The following CA5B variants were observed in gnomAD, a reference collection of about 807,000 sequenced individuals.
CA5B encodes the protein carbonic anhydrase 5B, mitochondrial.
Under a neutral mutation model 23.1 loss-of-function variants are expected in CA5B, and 15 were observed. The observed-to-expected ratio is 0.65, with a 90% CI of 0.43 to 1.00. The LOEUF (loss-of-function observed/expected upper bound fraction) is 1.00. Ranked by LOEUF, CA5B falls within the 50% of genes least tolerant of loss-of-function variation. The probability of loss-of-function intolerance (pLI) is 0.00; values close to 1 mark genes in which losing one functional copy is unlikely to be tolerated. For missense variants in CA5B, 236 were observed against 252.2 expected, an observed-to-expected ratio of 0.94 and a Z score of 0.43; for synonymous variants, 84 against 98.5, an observed-to-expected ratio of 0.85 and a Z score of 0.87.
chrX:15,757,475 C>G (rs773549907), intron 2 of CA5B, among the ~76,000 whole-genome samples: 123 of 111,317 alleles, frequency 1.1e-3, no homozygotes, highest in African/African-American at 3.4e-3. Context: ...GAGATCACGC[C>G]ACTGCACTCC....
At chrX:15,780,395 C>T (rs1036840299) in intron 7 of CA5B, among the ~76,000 whole-genome samples, 4 of 109,937 alleles carry the variant, frequency 3.6e-5, no homozygotes, top group Non-Finnish European at 5.7e-5. Context: ...GTCTCAGCCT[C>T]CCAAGTAGCT....
intron 2 of CA5B, among the ~76,000 whole-genome samples, chrX:15,761,724 G>A (rs762805852): frequency 9.0e-6 from 1 of 110,701 alleles, no homozygotes; most frequent in Admixed American, 9.6e-5. Context: ...GTCTTGTCGG[G>A]GGGAGCCCAT....
At position 15,788,369 on chromosome X, in the gene CA5B, T is replaced by C. The variant is rs1252763810; in HGVS notation, c.*5705T>C. ...CACTGTATCAGCATATAACATGGCT[T>C]ATCTTACTCAGTTTTCACAATAAAA... On this transcript the variant is annotated 3_prime_UTR_variant, in exon 8 of 8. Coordinates refer to ENST00000318636, the MANE Select transcript of CA5B (RefSeq NM_007220.4). 1 of 112,112 alleles carries C rather than the reference T, an allele frequency of 8.9e-6. No individual in the cohort carries two copies. The highest frequency in any genetic ancestry group is 1.9e-5 in the Non-Finnish European group (1 of 53,283). The allele number at this position is 112,112 out of a possible 1,213,427, so 9.2% of individuals were successfully genotyped here. A position where few individuals can be genotyped will look rare whatever the true frequency, so the allele number is the denominator to read the frequency against.
At chrX:15,756,885 T>A (rs1260833777) in intron 2 of CA5B, among the ~76,000 whole-genome samples, 2 of 104,968 alleles carry the variant, frequency 1.9e-5, no homozygotes, top group Non-Finnish European at 3.9e-5. Flanking sequence ...AAACCCCGTC[T>A]CTACTAAAAA....
At position 15,782,569 on chromosome X, in the gene CA5B, C is replaced by T. The variant is rs750161253; in HGVS notation, c.859C>T (p.Leu287=). 2 of 1,210,203 alleles carry T rather than the reference C, an allele frequency of 1.7e-6. No homozygotes were observed. The highest frequency in any genetic ancestry group is 2.2e-6 in the Non-Finnish European group (2 of 894,162). ...MVDNFRPLQP[L]MNRTVRSSFR... is the part of the protein sequence containing the mutation. Reference sequence around the variant, plus strand: ...GGACAACTTCCGCCCCCTTCAGCCACTGATGAATCGCACTGTTCGTTCATC... The same window carrying T: ...GGACAACTTCCGCCCCCTTCAGCCATTGATGAATCGCACTGTTCGTTCATC... Residue 287 remains leucine, a synonymous_variant, in exon 8 of 8, where the codon CTG becomes TTG. Transcript: ENST00000318636.
At chrX:15,753,627 G>C (rs1350800913) in intron 2 of CA5B, among the ~76,000 whole-genome samples, 3 of 112,652 alleles carry the variant, frequency 2.7e-5, no homozygotes, top group Non-Finnish European at 3.8e-5. Flanking sequence ...TTTGGGGTAA[G>C]GCTGGGTACA....
chrX:15,749,974 A>G lies in CA5B; in HGVS notation c.-50A>G. On this transcript the variant is annotated 5_prime_UTR_variant, in exon 2 of 8. Coordinates refer to ENST00000318636, the MANE Select transcript of CA5B (RefSeq NM_007220.4). ...TCCTCTGCCCTCATCCCTCTAGATT[A>G]TTAAGTTCCTGCAACTTAACTGGGA... 8.4e-7 allele frequency: 1 copy of G among 1,195,478 alleles called. No individual in the cohort carries two copies. The highest frequency in any genetic ancestry group is 1.1e-6 in the Non-Finnish European group (1 of 884,981).
rs1238584772 is a variant in CA5B at position 15,787,951 on chromosome X, G to T, written c.*5287G>T. 8.9e-6 allele frequency: 1 copy of T among 112,398 alleles called. No individual in the cohort carries two copies. The highest frequency in any genetic ancestry group is 2.8e-4 in the East Asian group (1 of 3,606). 9.3% of individuals were successfully genotyped at this position (112,398 alleles called of 1,213,427 possible). ...ACTTATTGTTCTGAAGTGAAAGTCTGGTCTGATTCAGAAGAAATGTTACAA... is the reference window on the plus strand; with the variant it reads ...ACTTATTGTTCTGAAGTGAAAGTCTTGTCTGATTCAGAAGAAATGTTACAA... On this transcript the variant is annotated 3_prime_UTR_variant, in exon 8 of 8. Coordinates refer to ENST00000318636, the MANE Select transcript of CA5B (RefSeq NM_007220.4).
At chrX:15,762,820 C>T (rs753580136) in intron 2 of CA5B, 9 of 370,608 alleles carry the variant, frequency 2.4e-5, no homozygotes, top group African/African-American at 5.2e-5. Flanking sequence ...CATGGTACTT[C>T]TAAAGGACAG....
chrX:15,749,939 C>A, intron 1 of CA5B, 32 bp from the exon 2 acceptor site: 2 of 1,090,319 alleles, frequency 1.8e-6, no homozygotes, highest in Non-Finnish European at 1.2e-6. Flanking sequence ...CTGTTGTTTA[C>A]AGCTTTCCCT....
intron 3 of CA5B, among the ~76,000 whole-genome samples, chrX:15,766,160 A>G (rs1346819314): frequency 9.4e-6 from 1 of 106,107 alleles, no homozygotes; most frequent in African/African-American, 3.4e-5. Flanking sequence ...TGTCTCAAAA[A>G]AAAAAAAAAA....
At chrX:15,766,910 A>G (rs747354249) in intron 3 of CA5B, 721 of 329,786 alleles carry the variant, frequency 2.2e-3, no homozygotes, top group Non-Finnish European at 3.3e-3. Context: ...CCAAAACTCT[A>G]GAGTGTGCCC....
chrX:15,745,408 G>A (rs1339649316), intron 1 of CA5B, among the ~76,000 whole-genome samples: 1 of 110,970 alleles, frequency 9.0e-6, no homozygotes, highest in Admixed American at 9.6e-5. Context: ...TGATGAAATA[G>A]TTTTGGGTGC....
chrX:15,764,429 A>C (rs187019923), intron 2 of CA5B, 149 bp from the exon 3 acceptor site: 9 of 873,917 alleles, frequency 1.0e-5, no homozygotes, highest in Non-Finnish European at 1.4e-5. Context: ...TTGTAGAGAC[A>C]GGGTTTCGCC....
At chrX:15,774,862 A>T (rs1265224762) in intron 5 of CA5B, among the ~76,000 whole-genome samples, 1 of 112,225 alleles carries the variant, frequency 8.9e-6, no homozygotes. Flanking sequence ...AAATATATAT[A>T]TTTTAAATGA....
chrX:15,762,294 C>A lies in CA5B; in HGVS notation c.143-2284C>A, dbSNP rs186832931. On this transcript the variant is annotated intron_variant, in intron 2 of 7. Transcript: ENST00000318636. ...AAAAAAAAAAAAAGGTATTGACTTC[C>A]GGCTTTCAGCAATTACCGAAGGAAG... Among the ~76,000 whole-genome samples, 449 of 110,238 alleles carry A rather than the reference C, an allele frequency of 4.1e-3. 4 individuals carry two copies. Among genetic ancestry groups the A allele is most frequent in the African/African-American group, 0.014 (434 of 30,388 alleles).
At chrX:15,777,952 ATAAAT>A (rs1931961335) in intron 7 of CA5B, among the ~76,000 whole-genome samples, 1 of 111,919 alleles carries the variant, frequency 8.9e-6, no homozygotes, top group South Asian at 3.7e-4. Context: ...AAAATAAAAA[ATAAAT>A]TAGAGAAACA....
At chrX:15,747,919 C>A (rs1416693066) in intron 1 of CA5B, among the ~76,000 whole-genome samples, 2 of 111,050 alleles carry the variant, frequency 1.8e-5, no homozygotes, top group Admixed American at 1.9e-4. Flanking sequence ...GCAGCTCTTT[C>A]TCTTGCGAGA....
At position 15,786,742 on chromosome X, in the gene CA5B, G is replaced by A. The variant is rs1932124715; in HGVS notation, c.*4078G>A. ...TTAGAAAGCGACTAAAAACTCATAG[G>A]GGATTTACTAAAGAAGCAACAATGG... On this transcript the variant is annotated 3_prime_UTR_variant, in exon 8 of 8. Coordinates refer to ENST00000318636, the MANE Select transcript of CA5B (RefSeq NM_007220.4). The A allele has an allele frequency of 9.0e-6, 1 of 111,454 alleles. No homozygotes were observed. Among genetic ancestry groups the A allele is most frequent in the African/African-American group, 3.3e-5 (1 of 30,615 alleles). The allele number at this position is 111,454 out of a possible 1,213,427, so 9.2% of individuals were successfully genotyped here. A position where few individuals can be genotyped will look rare whatever the true frequency, so the allele number is the denominator to read the frequency against.
Sources: gnomAD v4.1 joint callset for allele counts (sites outside exome capture counted in the v4.1 genomes callset) on GRCh38, gnomAD v4.1.1 for gene constraint, MANE v1.5 for transcripts, NCBI Gene and HGNC (gene_info 2026-07-23, HGNC 2026-07-21) for gene names.